PAPSS1: variants seen among roughly 807,000 people sequenced by gnomAD.
PAPSS1 encodes 3'-phosphoadenosine 5'-phosphosulfate synthase 1.
A neutral mutation model predicts 72.0 loss-of-function variants in PAPSS1; 50 were observed. The ratio of observed to expected loss-of-function variants is 0.69; its 90% CI spans 0.55 to 0.88. The LOEUF is 0.88. PAPSS1 is among the 40% of genes least tolerant of loss of function. The pLI, the probability that PAPSS1 is intolerant of heterozygous loss-of-function variation, is 0.00. For synonymous variants in PAPSS1, 261 were observed against 263.6 expected, an observed-to-expected ratio of 0.99 and a Z score of 0.09; for missense variants, 657 against 782.2, an observed-to-expected ratio of 0.84 and a Z score of 1.91.
intron 1 of PAPSS1, among the ~76,000 whole-genome samples, chr4:107,710,157 T>C (rs1200377339): frequency 6.6e-6 from 1 of 152,222 alleles, no homozygotes; most frequent in Admixed American, 6.5e-5. Context: ...ATGAGTTACT[T>C]CCTTCCACCT....
chr4:107,667,153 C>T lies in PAPSS1; in HGVS notation c.670-7081G>A, dbSNP rs186303883. On this transcript the variant is annotated intron_variant, in intron 5 of 11. Transcript: ENST00000265174. ...ATGGCCAATGATTTAATCAAATGTG[C>T]GACGTAAAGCCTACATAAAAACTTC... Among the ~76,000 whole-genome samples, 14 of 152,188 alleles carry T rather than the reference C, an allele frequency of 9.2e-5. No homozygotes were observed. The East Asian group carries it at 1.7e-3, about 19-fold the overall frequency.
At chr4:107,704,084 A>G (rs929826293) in intron 1 of PAPSS1, among the ~76,000 whole-genome samples, 2 of 152,232 alleles carry the variant, frequency 1.3e-5, no homozygotes, top group African/African-American at 2.4e-5. Flanking sequence ...TGTATTCCCA[A>G]GTATTTTATT....
chr4:107,677,633 C>T (rs546587199), intron 5 of PAPSS1, among the ~76,000 whole-genome samples: 7 of 152,290 alleles, frequency 4.6e-5, no homozygotes, highest in African/African-American at 1.7e-4. Context: ...TGTGGCAATT[C>T]CTCAGGGATC....
intron 10 of PAPSS1, among the ~76,000 whole-genome samples, chr4:107,636,324 T>C (rs1726380702): frequency 6.6e-6 from 1 of 152,210 alleles, no homozygotes; most frequent in African/African-American, 2.4e-5. Flanking sequence ...TAAGAAGGTA[T>C]TTATAATATA....
At chr4:107,700,224 C>A (rs566754349) in intron 2 of PAPSS1, among the ~76,000 whole-genome samples, 171 of 152,264 alleles carry the variant, frequency 1.1e-3, no homozygotes, top group African/African-American at 4.0e-3. Context: ...GACAAAGACA[C>A]TGGGAAATAA....
At chr4:107,664,350 G>A (rs1344867051) in intron 5 of PAPSS1, among the ~76,000 whole-genome samples, 3 of 152,192 alleles carry the variant, frequency 2.0e-5, no homozygotes, top group Non-Finnish European at 4.4e-5. Context: ...GCAGAAGAAA[G>A]CATGCAGCAG....
chr4:107,634,235 T>C (rs1261057404), intron 10 of PAPSS1, among the ~76,000 whole-genome samples: 1 of 151,920 alleles, frequency 6.6e-6, no homozygotes, highest in Non-Finnish European at 1.5e-5. Context: ...AGGCTAGTCT[T>C]GAACTCCCGT....
chr4:107,696,105 G>A (rs543637082), intron 2 of PAPSS1, among the ~76,000 whole-genome samples: 7 of 152,214 alleles, frequency 4.6e-5, no homozygotes, highest in East Asian at 1.9e-4. Flanking sequence ...AAATAGGAAC[G>A]CTTTTAAACT....
chr4:107,675,076 A>ATTTT (rs1727600856), intron 5 of PAPSS1, among the ~76,000 whole-genome samples: 1 of 152,224 alleles, frequency 6.6e-6, no homozygotes, highest in Admixed American at 6.5e-5. Flanking sequence ...CCACAAGGAA[A>ATTTT]AGCAGGAAAG....
intron 11 of PAPSS1, among the ~76,000 whole-genome samples, chr4:107,624,088 A>ATATC (rs1726034747): frequency 6.6e-6 from 1 of 152,162 alleles, no homozygotes; most frequent in African/African-American, 2.4e-5. Flanking sequence ...TGGCTCCTGA[A>ATATC]TATCTCATCA....
At chr4:107,659,025 ATTC>A (rs1020795345) in intron 6 of PAPSS1, among the ~76,000 whole-genome samples, 2 of 152,200 alleles carry the variant, frequency 1.3e-5, no homozygotes, top group Admixed American at 6.5e-5. Context: ...ATTCATTCTC[ATTC>A]TTCTTCTCTC....
At chr4:107,678,011 G>C (rs559769818) in intron 5 of PAPSS1, among the ~76,000 whole-genome samples, 117 of 152,186 alleles carry the variant, frequency 7.7e-4, no homozygotes, top group Non-Finnish European at 1.3e-3. Context: ...ACAGGAAGGG[G>C]AACATCACAC....
At chr4:107,688,861 T>C (rs1722850498) in intron 3 of PAPSS1, among the ~76,000 whole-genome samples, 1 of 152,114 alleles carries the variant, frequency 6.6e-6, no homozygotes. Flanking sequence ...ACTAAGCATG[T>C]CCAAAACTAA....
intron 5 of PAPSS1, among the ~76,000 whole-genome samples, chr4:107,674,832 T>A (rs1202441509): frequency 6.6e-6 from 1 of 152,008 alleles, no homozygotes; most frequent in Non-Finnish European, 1.5e-5. Flanking sequence ...TAACAAACTG[T>A]CTCTCAGACC....
chr4:107,671,745 T>G (rs1270354200), intron 5 of PAPSS1, among the ~76,000 whole-genome samples: 4 of 152,174 alleles, frequency 2.6e-5, no homozygotes, highest in African/African-American at 9.7e-5. Context: ...ACACACATCT[T>G]CCCATACACT....
At chr4:107,649,073 G>T (rs1270520741) in intron 9 of PAPSS1, among the ~76,000 whole-genome samples, 1 of 152,198 alleles carries the variant, frequency 6.6e-6, no homozygotes, top group Admixed American at 6.5e-5. Flanking sequence ...TGTGCCAACT[G>T]GGTTCTGTGC....
intron 11 of PAPSS1, among the ~76,000 whole-genome samples, chr4:107,631,300 C>T (rs1314577912): frequency 6.6e-6 from 1 of 152,212 alleles, no homozygotes; most frequent in Non-Finnish European, 1.5e-5. Flanking sequence ...TCTCTCCATA[C>T]ATAGACTCCC....
At chr4:107,615,418 C>G (rs1005480028) in intron 11 of PAPSS1, among the ~76,000 whole-genome samples, 10 of 152,022 alleles carry the variant, frequency 6.6e-5, no homozygotes, top group African/African-American at 2.4e-4. Context: ...ATAGACTTAA[C>G]CTGAAAACCT....
At chr4:107,651,836 C>T (rs903735866) in intron 9 of PAPSS1, among the ~76,000 whole-genome samples, 1 of 152,122 alleles carries the variant, frequency 6.6e-6, no homozygotes, top group African/African-American at 2.4e-5. Context: ...GTTTAAAGTG[C>T]CTTACACATC....
Sources: allele counts gnomAD v4.1 joint callset (sites outside exome capture counted in the v4.1 genomes callset), GRCh38; gene constraint gnomAD v4.1.1; transcripts MANE v1.5; gene names NCBI Gene and HGNC (gene_info 2026-07-23, HGNC 2026-07-21).